The following AKAP17A variants were observed in gnomAD, a reference collection of about 807,000 sequenced individuals.
AKAP17A encodes the protein A-kinase anchor protein 17A.
Under a neutral mutation model 52.2 loss-of-function variants are expected in AKAP17A, and 15 were observed. The observed-to-expected ratio is 0.29, with a 90% confidence interval of 0.19 to 0.44. AKAP17A has a LOEUF of 0.44. Among genes scored for constraint, AKAP17A ranks in the 20% least tolerant of loss-of-function variants. The probability of loss-of-function intolerance (pLI) is 1.00; values close to 1 mark genes in which losing one functional copy is unlikely to be tolerated. For synonymous variants in AKAP17A, 514 were observed against 424.7 expected (o/e 1.21, Z -2.58); for missense variants, 1,060 against 1,007.0 (o/e 1.05, Z -0.71).
In AKAP17A at chrX:1,595,284, C is replaced by T. The variant is rs1238319779; in HGVS notation, c.763-100C>T. ...GGTGAGCGGTGAGCGGGCGCTCAGG[C>T]TCTGAGGCCACTCGGCCCTACGGCC... On this transcript the variant is annotated intron_variant, in intron 2 of 4. Transcript: ENST00000313871. 2.6e-6 allele frequency: 4 copies of T among 1,536,372 alleles called. No individual in the cohort carries two copies. In the Admixed American group the frequency reaches 7.6e-5, roughly 29 times the overall value.
At chrX:1,592,179 G>C (rs1461843571) in intron 1 of AKAP17A, among the ~76,000 whole-genome samples, 2 of 151,888 alleles carry the variant, frequency 1.3e-5, no homozygotes, top group African/African-American at 4.8e-5. Context: ...GGCTGTCCGG[G>C]GTTTTCGGAG....
At chrX:1,592,351 G>A (rs1932853086) in intron 1 of AKAP17A, among the ~76,000 whole-genome samples, 1 of 152,054 alleles carries the variant, frequency 6.6e-6, no homozygotes, top group Non-Finnish European at 1.5e-5. Flanking sequence ...CTGGGGGGCT[G>A]CGGTAGGTGG....
rs764060314 is a variant in AKAP17A, at chrX:1,599,730, C to T, written c.1152+298C>T. ...CAGAGGCTCTCTGTTTCCTTTGGGTCGGGGCAGTGGCAGAGAGTGCAGGGG... is the reference window on the plus strand; with the variant it reads ...CAGAGGCTCTCTGTTTCCTTTGGGTTGGGGCAGTGGCAGAGAGTGCAGGGG... On this transcript the variant is annotated intron_variant, in intron 4 of 4. Coordinates refer to ENST00000313871, the MANE Select transcript of AKAP17A (RefSeq NM_005088.3). The T allele has an allele frequency of 5.6e-5, 35 of 621,836 alleles. No homozygotes were observed. The East Asian group carries it at 7.1e-4, about 13-fold the overall frequency. 38.5% of individuals were successfully genotyped at this position (621,836 alleles called of 1,614,324 possible).
At chrX:1,595,702 G>A (rs1247082252) in intron 3 of AKAP17A, among the ~76,000 whole-genome samples, 170 bp downstream of exon 3, 1 of 152,152 alleles carries the variant, frequency 6.6e-6, no homozygotes, top group Non-Finnish European at 1.5e-5. Context: ...GTGAACCGGT[G>A]TGTGTACTTT....
chrX:1,596,620 T>A (rs1933000402), intron 3 of AKAP17A, among the ~76,000 whole-genome samples: 1 of 106,970 alleles, frequency 9.3e-6, no homozygotes, highest in South Asian at 3.3e-4. Flanking sequence ...TGAGGTGGAT[T>A]CCTCCTCCTC....
intron 4 of AKAP17A, chrX:1,599,715 C>A: frequency 1.6e-6 from 1 of 627,804 alleles, no homozygotes; most frequent in Non-Finnish European, 2.9e-6. Context: ...CAGAGGCTCT[C>A]TGTTTCCTTT....
rs191522940 is a variant in AKAP17A, at chrX:1,602,177, G to C, written c.*583G>C. 1.3e-5 allele frequency: 2 copies of C among 152,604 alleles called. No homozygotes were observed. Among genetic ancestry groups the C allele is most frequent in the East Asian group, 3.9e-4 (2 of 5,192 alleles). The allele number at this position is 152,604 out of a possible 1,614,324, so 9.5% of individuals were successfully genotyped here. A position where few individuals can be genotyped will look rare whatever the true frequency, so the allele number is the denominator to read the frequency against. On this transcript the variant is annotated 3_prime_UTR_variant, in exon 5 of 5. Coordinates refer to ENST00000313871, the MANE Select transcript of AKAP17A (RefSeq NM_005088.3). ...ACTCAAACGGGCCGTTCTTTCTAAG[G>C]TGTCGGTATGTGGGGAGTGGTACAA...
In AKAP17A at chrX:1,600,965, C is replaced by A. The variant is rs749751789; in HGVS notation, c.1459C>A (p.Leu487Ile). Reference protein sequence around the residue: ...GCVSATTLHPLGGQPPAGAPK... With the variant: ...GCVSATTLHPIGGQPPAGAPK... ...TGTGAGCGCCACCACGCTGCACCCCCTCGGGGGCCAGCCCCCGGCCGGTGC... is the reference window on the plus strand; with the variant it reads ...TGTGAGCGCCACCACGCTGCACCCCATCGGGGGCCAGCCCCCGGCCGGTGC... The change falls in exon 5 of 5, where the codon CTC becomes ATC. Residue 487 changes from leucine (L) to isoleucine (I), a missense_variant. Coordinates refer to ENST00000313871, the MANE Select transcript of AKAP17A (RefSeq NM_005088.3). The A allele has an allele frequency of 1.3e-6, 2 of 1,589,712 alleles. No individual in the cohort carries two copies. Among genetic ancestry groups the A allele is most frequent in the Non-Finnish European group, 1.7e-6 (2 of 1,169,944 alleles).
intron 3 of AKAP17A, among the ~76,000 whole-genome samples, chrX:1,598,611 G>A (rs1418839443): frequency 1.9e-4 from 29 of 152,218 alleles, no homozygotes; most frequent in Middle Eastern, 3.4e-3. Flanking sequence ...TCTGGGGACC[G>A]CGCCCCTCCC....
In AKAP17A at chrX:1,593,594, G is replaced by A. The variant is rs764385747; in HGVS notation, c.132G>A (p.Lys44=). The change falls in exon 2 of 5, where the codon AAG becomes AAA. Residue 44 remains lysine (K), a synonymous_variant. Coordinates refer to ENST00000313871, the MANE Select transcript of AKAP17A (RefSeq NM_005088.3). Reference sequence around the variant, plus strand: ...TCCCGCAGCTGAAGCAGCCGGGGAAGTCCATCTCCAACTGGGAGGTGATGG... The same window carrying A: ...TCCCGCAGCTGAAGCAGCCGGGGAAATCCATCTCCAACTGGGAGGTGATGG... ...VALPQLKQPG[K]SISNWEVMER... 2 of 1,613,862 alleles carry A rather than the reference G, an allele frequency of 1.2e-6. No homozygotes were observed. Among genetic ancestry groups the A allele is most frequent in the Non-Finnish European group, 1.7e-6 (2 of 1,179,870 alleles).
In AKAP17A at chrX:1,595,507, G is replaced by A; in HGVS notation, c.886G>A (p.Glu296Lys). 1.2e-6 allele frequency: 2 copies of A among 1,613,946 alleles called. No homozygotes were observed. The highest frequency in any genetic ancestry group is 1.7e-6 in the Non-Finnish European group (2 of 1,179,848). Residue 296 changes from glutamate to lysine, a missense_variant, in exon 3 of 5, where the codon GAG becomes AAG. By Grantham distance (56) the Glu-to-Lys change is moderately conservative. Transcript: ENST00000313871. ...EEQKRREKEA[E>K]ERQRAEERKQ... ...ACAAAAGCGCAGAGAGAAGGAAGCG[G>A]AGGAGAGGCAGCGAGCGGAGGAAAG...
At chrX:1,595,865 C>G (rs1569350193) in intron 3 of AKAP17A, among the ~76,000 whole-genome samples, 1 of 151,682 alleles carries the variant, frequency 6.6e-6, no homozygotes, top group African/African-American at 2.4e-5. Context: ...ACATAGCACA[C>G]ATGTGCCTGT....
chrX:1,591,968 G>T, intron 1 of AKAP17A, among the ~76,000 whole-genome samples, 199 bp downstream of exon 1: 1 of 150,086 alleles, frequency 6.7e-6, no homozygotes, highest in African/African-American at 2.5e-5. Flanking sequence ...GGGCTGGGGA[G>T]GTCTGCGGTC....
Position 1,601,280 on chromosome X carries a change from G to C in AKAP17A, c.1774G>C (p.Gly592Arg). 6.2e-7 allele frequency: 1 copy of C among 1,612,054 alleles called. No individual in the cohort carries two copies. The highest frequency in any genetic ancestry group is 8.5e-7 in the Non-Finnish European group (1 of 1,179,256). ...EPSKGRGRAT[G>R]DGLADRHKRE... is the part of the protein sequence containing the mutation. ...CAGCAAGGGCCGGGGCCGGGCCACC[G>C]GAGACGGGCTTGCTGACCGGCACAA... The change falls in exon 5 of 5, where the codon GGA (glycine) becomes CGA (arginine). Residue 592 changes from glycine (G) to arginine (R), a missense_variant. This residue lies in a region of AKAP17A where 793 missense variants were observed against 629.9 expected (regional missense o/e 1.26). Transcript: ENST00000313871.
Position 1,599,402 on chromosome X carries a change from G to T in AKAP17A, c.1122G>T (p.Arg374=), listed in dbSNP as rs1282710181. 6.4e-7 allele frequency: 1 copy of T among 1,570,200 alleles called. No homozygotes were observed. Among genetic ancestry groups the T allele is most frequent in the Non-Finnish European group, 8.6e-7 (1 of 1,158,832 alleles). ...CCCAGAGGAACCTGCAGTCCATCCG[G>T]CTCATCGCCGAGCTGCTCAGCAGAG... is the stretch of plus-strand genomic sequence containing the variant. ...LLAQRNLQSI[R]LIAELLSRAK... Residue 374 remains arginine (R), a synonymous_variant, in exon 4 of 5, where the codon CGG becomes CGT. Transcript: ENST00000313871.
At chrX:1,594,499 C>CT (rs1423224997) in intron 2 of AKAP17A, among the ~76,000 whole-genome samples, 19 of 152,176 alleles carry the variant, frequency 1.2e-4, no homozygotes, top group Non-Finnish European at 2.5e-4. Context: ...CTCAGGAACT[C>CT]TGACAGGGAT....
At position 1,600,620 on chromosome X, in the gene AKAP17A, C is replaced by T. The variant is rs1357166359; in HGVS notation, c.1153-39C>T. ...CCTGTCCCACGTGTCCGGCCAGGCT[C>T]AGGAACCGGGCTCAGCTGCACTTTC... On this transcript the variant is annotated intron_variant, in intron 4 of 4. Coordinates refer to ENST00000313871, the MANE Select transcript of AKAP17A (RefSeq NM_005088.3). The T allele has an allele frequency of 4.7e-6, 7 of 1,491,850 alleles. No individual in the cohort carries two copies. In the East Asian group the frequency reaches 1.7e-4, roughly 37 times the overall value. The allele number at this position is 1,491,850 out of a possible 1,614,324, so 92.4% of individuals were successfully genotyped here. A position where few individuals can be genotyped will look rare whatever the true frequency, so the allele number is the denominator to read the frequency against.
In AKAP17A at chrX:1,601,625, G is replaced by A. The variant is rs186165974; in HGVS notation, c.*31G>A. ...GGCACGGCCTCCCCACGGCCTGTCC[G>A]GGAAAGACCAGGACCTGCTCGAGCC... On this transcript the variant is annotated 3_prime_UTR_variant, in exon 5 of 5. Coordinates refer to ENST00000313871, the MANE Select transcript of AKAP17A (RefSeq NM_005088.3). 1.4e-3 allele frequency: 1,916 copies of A among 1,397,960 alleles called. 19 individuals carry two copies. The African/African-American group carries it at 0.016, about 11-fold the overall frequency. The allele number at this position is 1,397,960 out of a possible 1,614,324, so 86.6% of individuals were successfully genotyped here.
intron 2 of AKAP17A, 111 bp from the exon 3 acceptor site, chrX:1,595,273 G>GGGCGCTCA (rs1932924025): frequency 7.1e-7 from 1 of 1,415,658 alleles, no homozygotes. Context: ...AGCGGTGAGC[G>GGGCGCTCA]GGCGCTCAGG....
Sources: allele counts gnomAD v4.1 joint callset (sites outside exome capture counted in the v4.1 genomes callset), GRCh38; gene constraint gnomAD v4.1.1; regional missense constraint gnomAD v4.1.1; transcripts MANE v1.5; gene names NCBI Gene and HGNC (gene_info 2026-07-23, HGNC 2026-07-21).